Variants in DNAH7 observed in about 807,000 individuals in gnomAD.
DNAH7 encodes the protein axonemal beta dynein heavy chain 7.
In DNAH7, 397 loss-of-function variants were observed where a neutral mutation model predicts 444.6. The ratio of observed to expected loss-of-function variants is 0.89; its 90% CI spans 0.82 to 0.97. The LOEUF is 0.97. Ranked by LOEUF, DNAH7 falls within the 50% of genes least tolerant of loss-of-function variation. The probability of loss-of-function intolerance (pLI) is 0.00; values close to 1 mark genes in which losing one functional copy is unlikely to be tolerated. For missense variants in DNAH7, 4,902 were observed against 4,800.8 expected, an observed-to-expected ratio of 1.02 and a Z score of -0.62; for synonymous variants, 1,636 against 1,624.4, an observed-to-expected ratio of 1.01 and a Z score of -0.17.
intron 5 of DNAH7, among the ~76,000 whole-genome samples, chr2:196,036,947 G>A (rs1215865917): frequency 6.6e-6 from 1 of 151,896 alleles, no homozygotes; most frequent in Non-Finnish European, 1.5e-5. Flanking sequence ...ACCATTCCCA[G>A]CACCCACACA....
chr2:196,019,148 C>A, intron 9 of DNAH7, 22 bp downstream of exon 9: 1 of 1,420,642 alleles, frequency 7.0e-7, no homozygotes, highest in Non-Finnish European at 9.3e-7. Flanking sequence ...TTAAAAACCT[C>A]TATAAGGCCA....
chr2:195,909,961 T>C (rs924424247), intron 25 of DNAH7, 66 bp downstream of exon 25: 6 of 1,438,302 alleles, frequency 4.2e-6, no homozygotes, highest in Admixed American at 2.0e-5. Context: ...TTCAATTATG[T>C]TGCATCATAA....
At chr2:195,996,036 C>T (rs1693674435) in intron 12 of DNAH7, among the ~76,000 whole-genome samples, 1 of 152,164 alleles carries the variant, frequency 6.6e-6, no homozygotes, top group Non-Finnish European at 1.5e-5. Context: ...ACAGAAAAAT[C>T]CACACTTTGT....
chr2:195,835,381 CAAA>C (rs58376618), intron 47 of DNAH7, among the ~76,000 whole-genome samples: 2,205 of 113,030 alleles, frequency 0.02, 40 homozygotes, highest in East Asian at 0.11. Flanking sequence ...GTGACTGAGG[CAAA>C]AAAAAAAAAA....
rs1334797117 is a variant in DNAH7 at position 195,987,160 on chromosome 2, C to T, written c.1660G>A (p.Glu554Lys). The change falls in exon 14 of 65, where the codon GAG (glutamate) becomes AAG (lysine). Residue 554 changes from glutamate to lysine, a missense_variant. By Grantham distance (56) the Glu-to-Lys change is moderately conservative. Coordinates refer to ENST00000312428, the MANE Select transcript of DNAH7 (RefSeq NM_018897.3). ...IRLGMFEMHC[E>K]ELIRALVKRA... ...TTCACCAAAGCTCTGATTAATTCCT[C>T]ACAGTGCATTTCAAACATTCCTAAA... The T allele has an allele frequency of 1.9e-6, 3 of 1,604,042 alleles. No homozygotes were observed. The highest frequency in any genetic ancestry group is 1.3e-5 in the African/African-American group (1 of 74,816).
intron 28 of DNAH7, 98 bp downstream of exon 28, chr2:195,900,184 T>A (rs1314929169): frequency 7.6e-7 from 1 of 1,324,384 alleles, no homozygotes; most frequent in Non-Finnish European, 1.1e-6. Context: ...TTTCAATCAA[T>A]TAAGGAAACC....
chr2:195,877,187 G>A (rs1244767258), intron 36 of DNAH7, among the ~76,000 whole-genome samples: 1 of 152,134 alleles, frequency 6.6e-6, no homozygotes, highest in African/African-American at 2.4e-5. Flanking sequence ...ATGTATGCCA[G>A]GGACAGGACA....
chr2:195,953,374 C>T (rs558556003), intron 19 of DNAH7, among the ~76,000 whole-genome samples: 1 of 152,202 alleles, frequency 6.6e-6, no homozygotes, highest in Non-Finnish European at 1.5e-5. Context: ...TCTGTTGACC[C>T]TGGCTGGGAG....
At chr2:195,773,573 G>A (rs753765546) in intron 60 of DNAH7, among the ~76,000 whole-genome samples, 1 of 152,094 alleles carries the variant, frequency 6.6e-6, no homozygotes, top group Non-Finnish European at 1.5e-5. Context: ...AACTGATACT[G>A]ATAATTAAGA....
chr2:195,739,758 C>T lies in DNAH7; in HGVS notation c.11868+1008G>A, dbSNP rs547824596. ...CTAAAATCAATTGGCAGCATTGTCA[C>T]GCTCCTTGGTGGACATTTGCAGAGC... is the stretch of plus-strand genomic sequence containing the variant. On this transcript the variant is annotated intron_variant, in intron 64 of 64. Transcript: ENST00000312428. 1.6e-4 allele frequency among the ~76,000 whole-genome samples: 25 copies of T among 152,262 alleles called. No homozygotes were observed. The East Asian group carries it at 4.4e-3, about 27-fold the overall frequency.
intron 54 of DNAH7, among the ~76,000 whole-genome samples, chr2:195,804,989 C>CA (rs1042699461): frequency 8.3e-4 from 126 of 152,168 alleles, no homozygotes; most frequent in African/African-American, 3.0e-3. Context: ...TAAAAACAAA[C>CA]AAAAAACATA....
At chr2:195,751,195 G>GT (rs1559071274) in intron 63 of DNAH7, among the ~76,000 whole-genome samples, 1 of 152,166 alleles carries the variant, frequency 6.6e-6, no homozygotes, top group Non-Finnish European at 1.5e-5. Context: ...CAGAATAATG[G>GT]TATGTTAGGC....
At chr2:195,881,159 T>C (rs1701355281) in intron 36 of DNAH7, among the ~76,000 whole-genome samples, 1 of 152,210 alleles carries the variant, frequency 6.6e-6, no homozygotes, top group Non-Finnish European at 1.5e-5. Flanking sequence ...AATACTAGGA[T>C]GGCTATGTAA....
At position 195,774,719 on chromosome 2, in the gene DNAH7, G is replaced by A. The variant is rs918437684; in HGVS notation, c.11202+1127C>T. 2.6e-5 allele frequency among the ~76,000 whole-genome samples: 4 copies of A among 152,162 alleles called. No homozygotes were observed. The South Asian group carries it at 8.3e-4, about 32-fold the overall frequency. On this transcript the variant is annotated intron_variant, in intron 60 of 64. Coordinates refer to ENST00000312428, the MANE Select transcript of DNAH7 (RefSeq NM_018897.3). ...AATAGTAATAGTTAGACTCTACTTC[G>A]AGGGACTGTCATTAGCATTGCATTG...
intron 12 of DNAH7, among the ~76,000 whole-genome samples, chr2:195,997,197 G>A (rs149808511): frequency 1.1e-4 from 16 of 152,048 alleles, no homozygotes; most frequent in Admixed American, 4.6e-4. Flanking sequence ...CGGATACTAC[G>A]ACTTCAAAAC....
At chr2:195,860,561 T>C (rs1002073891) in intron 42 of DNAH7, among the ~76,000 whole-genome samples, 17 of 152,038 alleles carry the variant, frequency 1.1e-4, no homozygotes, top group Admixed American at 3.9e-4. Context: ...GACAGTCCTG[T>C]TGGGAGGGCA....
intron 46 of DNAH7, among the ~76,000 whole-genome samples, chr2:195,845,765 T>G (rs1312077874): frequency 2.6e-5 from 4 of 152,180 alleles, no homozygotes; most frequent in African/African-American, 9.7e-5. Flanking sequence ...GAGAAAGGAC[T>G]CCCTATTCAA....
At chr2:195,777,433 T>C (rs1695112906) in intron 59 of DNAH7, among the ~76,000 whole-genome samples, 1 of 152,242 alleles carries the variant, frequency 6.6e-6, no homozygotes, top group South Asian at 2.1e-4. Context: ...TGCAACTGAC[T>C]TCCAAATAAT....
At position 195,754,381 on chromosome 2, in the gene DNAH7, T is replaced by C. The variant is rs78583300; in HGVS notation, c.11720A>G (p.Tyr3907Cys). Residue 3907 changes from tyrosine (Y) to cysteine (C), a missense_variant, in exon 63 of 65, where the codon TAT becomes TGT. By Grantham distance (194) the Tyr-to-Cys change is radical. Coordinates refer to ENST00000312428, the MANE Select transcript of DNAH7 (RefSeq NM_018897.3). ...GTATTCTTTGTCTTCCATCACTTCATAGTCAAACCCAAGAAGATCAATAGG... is the reference window on the plus strand; with the variant it reads ...GTATTCTTTGTCTTCCATCACTTCACAGTCAAACCCAAGAAGATCAATAGG... ...TIPIDLLGFD[Y>C]EVMEDKEYKH... 6.9e-3 allele frequency: 11,080 copies of C among 1,614,006 alleles called. 57 individuals are homozygous for C. The highest frequency in any genetic ancestry group is 8.5e-3 in the Non-Finnish European group (10,055 of 1,179,960).
Sources: allele counts gnomAD v4.1 joint callset (sites outside exome capture counted in the v4.1 genomes callset), GRCh38; gene constraint gnomAD v4.1.1; transcripts MANE v1.5; gene names NCBI Gene and HGNC (gene_info 2026-07-23, HGNC 2026-07-21).